CD2AP: variants seen among roughly 807,000 people sequenced by gnomAD.
CD2AP encodes CD2 associated protein, also known as CD2-associated protein.
In CD2AP, 46 loss-of-function variants were observed where a neutral mutation model predicts 85.1. The ratio of observed to expected loss-of-function variants is 0.54; its 90% CI spans 0.43 to 0.69. The LOEUF (loss-of-function observed/expected upper bound fraction) is 0.69. Ranked by LOEUF, CD2AP falls within the 30% of genes least tolerant of loss-of-function variation. CD2AP has a pLI of 0.00. For missense variants in CD2AP, 769 were observed against 729.5 expected (o/e 1.05, Z -0.62); for synonymous variants, 255 against 252.9 (o/e 1.01, Z -0.08).
At chr6:47,513,135 C>T (rs1030146361) in intron 2 of CD2AP, among the ~76,000 whole-genome samples, 1 of 138,876 alleles carries the variant, frequency 7.2e-6, no homozygotes, top group Admixed American at 7.5e-5. Context: ...TCTTTTGAAT[C>T]TGAATACCTT....
intron 1 of CD2AP, among the ~76,000 whole-genome samples, chr6:47,501,821 C>G (rs1582482433): frequency 6.6e-6 from 1 of 151,936 alleles, no homozygotes; most frequent in East Asian, 1.9e-4. Context: ...CTTATGTGAT[C>G]CTATAATCTA....
intron 11 of CD2AP, among the ~76,000 whole-genome samples, chr6:47,592,560 A>G (rs561820238): frequency 2.6e-5 from 4 of 152,256 alleles, no homozygotes; most frequent in South Asian, 2.1e-4. Flanking sequence ...TGAGAGGAAC[A>G]TCTTTTGTTA....
At chr6:47,498,181 C>T (rs1765913890) in intron 1 of CD2AP, among the ~76,000 whole-genome samples, 1 of 152,150 alleles carries the variant, frequency 6.6e-6, no homozygotes. Flanking sequence ...TTTATTGTTG[C>T]ATGTGTGAAA....
chr6:47,528,170 A>G (rs1468012348), intron 2 of CD2AP, among the ~76,000 whole-genome samples: 1 of 152,044 alleles, frequency 6.6e-6, no homozygotes, highest in Non-Finnish European at 1.5e-5. Flanking sequence ...TGAGCTTCTA[A>G]TTTACTACTT....
chr6:47,593,092 T>C (rs113179018), intron 11 of CD2AP, among the ~76,000 whole-genome samples: 295 of 152,218 alleles, frequency 1.9e-3, no homozygotes, highest in African/African-American at 6.9e-3. Flanking sequence ...TTGAATTAAA[T>C]TATAGGACAC....
intron 11 of CD2AP, among the ~76,000 whole-genome samples, chr6:47,595,114 C>T (rs938517684): frequency 1.3e-5 from 2 of 151,918 alleles, no homozygotes; most frequent in Admixed American, 1.3e-4. Flanking sequence ...TTTATGAGCA[C>T]CTGAAAGATC....
At chr6:47,567,547 A>G (rs1447788173) in intron 5 of CD2AP, among the ~76,000 whole-genome samples, 1 of 152,182 alleles carries the variant, frequency 6.6e-6, no homozygotes, top group African/African-American at 2.4e-5. Context: ...ATTTAGCAGG[A>G]GAAATATTTG....
intron 1 of CD2AP, among the ~76,000 whole-genome samples, chr6:47,482,635 T>C (rs1223317176): frequency 6.6e-6 from 1 of 151,784 alleles, no homozygotes; most frequent in Non-Finnish European, 1.5e-5. Flanking sequence ...CCCTCAGCCT[T>C]CCAAAGTACT....
At chr6:47,580,113 C>CTGA (rs1178990606) in intron 9 of CD2AP, among the ~76,000 whole-genome samples, 1 of 152,198 alleles carries the variant, frequency 6.6e-6, no homozygotes, top group East Asian at 1.9e-4. Context: ...CTCTCCAACT[C>CTGA]TATGGAAGCT....
At chr6:47,559,992 T>C (rs1767808581) in intron 5 of CD2AP, among the ~76,000 whole-genome samples, 1 of 152,184 alleles carries the variant, frequency 6.6e-6, no homozygotes, top group Non-Finnish European at 1.5e-5. Context: ...TTCTAAGAAT[T>C]TGGGCTTTTG....
chr6:47,534,594 A>G (rs1259608900), intron 3 of CD2AP, among the ~76,000 whole-genome samples: 7 of 152,100 alleles, frequency 4.6e-5, no homozygotes, highest in Admixed American at 6.6e-5. Context: ...AATTCCAGCT[A>G]CTTGGGAGAC....
At chr6:47,610,239 G>T (rs576716733) in intron 16 of CD2AP, among the ~76,000 whole-genome samples, 61 of 152,054 alleles carry the variant, frequency 4.0e-4, no homozygotes, top group Non-Finnish European at 8.2e-4. Context: ...ATAACCACTA[G>T]TATTTGAATT....
chr6:47,529,147 A>G (rs1053810850), intron 2 of CD2AP, among the ~76,000 whole-genome samples: 1 of 138,266 alleles, frequency 7.2e-6, no homozygotes, highest in Non-Finnish European at 1.5e-5. Flanking sequence ...CTTAGGGCAC[A>G]TTCTGCTCTC....
At chr6:47,551,820 T>C (rs1767534191) in intron 4 of CD2AP, among the ~76,000 whole-genome samples, 1 of 152,168 alleles carries the variant, frequency 6.6e-6, no homozygotes, top group East Asian at 1.9e-4. Flanking sequence ...AGACTGTAAC[T>C]GCCAATTGGA....
At chr6:47,622,950 C>G (rs78893899) in intron 17 of CD2AP, among the ~76,000 whole-genome samples, 2,385 of 152,290 alleles carry the variant, frequency 0.016, 44 homozygotes, top group African/African-American at 0.039. Context: ...GTAGCCTTCA[C>G]ACTCCCTACT....
chr6:47,623,483 C>T (rs560848289), intron 17 of CD2AP, among the ~76,000 whole-genome samples: 1 of 152,304 alleles, frequency 6.6e-6, no homozygotes, highest in South Asian at 2.1e-4. Flanking sequence ...GGAACATTGG[C>T]ATCCTGTTTA....
chr6:47,614,656 A>G (rs984280196), intron 17 of CD2AP, among the ~76,000 whole-genome samples: 5 of 152,232 alleles, frequency 3.3e-5, no homozygotes, highest in African/African-American at 9.6e-5. Context: ...AAGTGATCAC[A>G]TATTGTTGGA....
chr6:47,564,708 A>G (rs975653048), intron 5 of CD2AP, among the ~76,000 whole-genome samples: 6 of 152,116 alleles, frequency 3.9e-5, no homozygotes, highest in Admixed American at 3.3e-4. Flanking sequence ...TGAGCATTAT[A>G]TAAGGAGTAA....
intron 1 of CD2AP, among the ~76,000 whole-genome samples, chr6:47,481,049 G>A (rs962588961): frequency 2.0e-5 from 3 of 152,196 alleles, no homozygotes; most frequent in African/African-American, 7.2e-5. Flanking sequence ...GGTATTCTGT[G>A]TGAAAGAATT....
Sources: gnomAD v4.1 joint callset for allele counts (sites outside exome capture counted in the v4.1 genomes callset) on GRCh38, gnomAD v4.1.1 for gene constraint, MANE v1.5 for transcripts, NCBI Gene and HGNC (gene_info 2026-07-23, HGNC 2026-07-21) for gene names.